The following CLCN6 variants were observed in gnomAD, a reference collection of about 807,000 sequenced individuals.
The protein encoded by CLCN6 is Cl-/H+ antiporter 6.
In CLCN6, 70 loss-of-function variants were observed where a neutral mutation model predicts 109.8. The observed-to-expected ratio is 0.64, with a 90% CI of 0.53 to 0.78. The LOEUF is 0.78. Among genes scored for constraint, CLCN6 ranks in the 30% least tolerant of loss-of-function variants. The pLI, the probability that CLCN6 is intolerant of heterozygous loss-of-function variation, is 0.00. For missense variants in CLCN6, 984 were observed against 1,142.3 expected (o/e 0.86, Z 2.00); for synonymous variants, 444 against 447.8 (o/e 0.99, Z 0.11).
chr1:11,829,405 A>T (rs1168376484), intron 13 of CLCN6, 83 bp downstream of exon 13: 4 of 1,525,446 alleles, frequency 2.6e-6, no homozygotes, highest in Non-Finnish European at 3.6e-6. Context: ...TTGAGAACTA[A>T]TAGATATGTT....
At position 11,833,617 on chromosome 1, in the gene CLCN6, C is replaced by T. The variant is rs753878088; in HGVS notation, c.1351C>T (p.Leu451Phe). 2.5e-6 allele frequency: 4 copies of T among 1,613,844 alleles called. No individual in the cohort carries two copies. The highest frequency in any genetic ancestry group is 2.2e-5 in the East Asian group (1 of 44,892). Residue 451 changes from leucine (L) to phenylalanine (F), a missense_variant, in exon 14 of 23, where the codon CTC becomes TTC. By Grantham distance (22) the Leu-to-Phe change is conservative. Coordinates refer to ENST00000346436, the MANE Select transcript of CLCN6 (RefSeq NM_001286.5). Reference protein sequence around the residue: ...LFFNPQESAILQLFHQDGTFS... With the variant: ...LFFNPQESAIFQLFHQDGTFS... ...CTTCAACCCGCAGGAGTCTGCCATC[C>T]TCCAGCTCTTCCACCAGGATGGTGA...
At chr1:11,813,034 A>G (rs1311836786) in intron 2 of CLCN6, among the ~76,000 whole-genome samples, 1 of 152,174 alleles carries the variant, frequency 6.6e-6, no homozygotes, top group Non-Finnish European at 1.5e-5. Context: ...TCACAAGATG[A>G]TATCTGCTTC....
chr1:11,837,781 CT>C (rs1368787597), intron 20 of CLCN6, among the ~76,000 whole-genome samples: 1 of 152,148 alleles, frequency 6.6e-6, no homozygotes, highest in Non-Finnish European at 1.5e-5. Flanking sequence ...TGGGAGTTGC[CT>C]GCAGACCTTG....
chr1:11,839,608 A>G (rs1486739661), intron 22 of CLCN6, among the ~76,000 whole-genome samples: 2 of 152,226 alleles, frequency 1.3e-5, no homozygotes, highest in African/African-American at 4.8e-5. Flanking sequence ...CATAGTGCGT[A>G]CTTACACAGG....
At chr1:11,807,022 T>G in intron 1 of CLCN6, 109 bp from the exon 2 acceptor site, 1 of 977,774 alleles carries the variant, frequency 1.0e-6, no homozygotes, top group Non-Finnish European at 1.6e-6. Context: ...TCCTATTTGA[T>G]AATGGCTCCA....
chr1:11,818,072 G>A (rs543045369), intron 4 of CLCN6, among the ~76,000 whole-genome samples: 102 of 151,542 alleles, frequency 6.7e-4, no homozygotes, highest in African/African-American at 2.3e-3. Context: ...GACCAGCCTG[G>A]GCAACGTAGG....
chr1:11,824,249 T>C (rs1644783091), intron 7 of CLCN6, among the ~76,000 whole-genome samples: 1 of 152,228 alleles, frequency 6.6e-6, no homozygotes, highest in African/African-American at 2.4e-5. Flanking sequence ...AGGAGGGAGC[T>C]GGTGGTCTGG....
intron 22 of CLCN6, chr1:11,838,888 C>CCG: frequency 1.4e-6 from 1 of 727,222 alleles, no homozygotes; most frequent in South Asian, 1.5e-5. Flanking sequence ...CCAGCCAGAG[C>CCG]CGCGCCTCTA....
chr1:11,824,702 G>A, intron 8 of CLCN6, 149 bp downstream of exon 8: 1 of 528,842 alleles, frequency 1.9e-6, no homozygotes, highest in Non-Finnish European at 3.2e-6. Context: ...TATCTCTCAG[G>A]AAAGGGCATA....
Position 11,838,434 on chromosome 1 carries a change from A to C in CLCN6, c.2395A>C (p.Met799Leu). Residue 799 changes from methionine (M) to leucine (L), a missense_variant, in exon 21 of 23, where the codon ATG becomes CTG. Coordinates refer to ENST00000346436, the MANE Select transcript of CLCN6 (RefSeq NM_001286.5). ...DLDLTLLNPR[M>L]IVDVTPYMNP... ...GGACCTGACGCTGCTCAACCCGCGC[A>C]TGATCGTGGTGAGAAGGGCTGCCCC... The C allele has an allele frequency of 1.2e-6, 2 of 1,614,136 alleles. No individual in the cohort carries two copies.
rs1301643146 is a variant in CLCN6, at chr1:11,828,764, T to C, written c.1121+140T>C. The C allele has an allele frequency of 3.2e-6, 3 of 943,578 alleles. No individual in the cohort carries two copies. The Admixed American group carries it at 8.2e-5, about 26-fold the overall frequency. 58.5% of individuals were successfully genotyped at this position (943,578 alleles called of 1,614,324 possible). A position where few individuals can be genotyped will look rare whatever the true frequency, so the allele number is the denominator to read the frequency against. ...AAGACTGAGAATCTAAACACGGCCA[T>C]GCATCTTCCCTACTTGACAGGCCAA... On this transcript the variant is annotated intron_variant, in intron 12 of 22. Coordinates refer to ENST00000346436, the MANE Select transcript of CLCN6 (RefSeq NM_001286.5).
Position 11,838,537 on chromosome 1 carries a change from T to C in CLCN6, c.2406T>C (p.Asp802=), listed in dbSNP as rs1393245101. The C allele has an allele frequency of 6.2e-7, 1 of 1,607,940 alleles. No homozygotes were observed. Among genetic ancestry groups the C allele is most frequent in the African/African-American group, 1.3e-5 (1 of 74,922 alleles). Residue 802 remains aspartate, a splice_region_variant and synonymous_variant, in exon 22 of 23, where the codon GAT becomes GAC. Transcript: ENST00000346436. ...AGTGACACGTGGTCTCTTTGCAGGA[T>C]GTCACCCCATACATGAACCCTTCGC... ...LTLLNPRMIV[D]VTPYMNPSPF...
rs562323358 is a variant in CLCN6 at position 11,839,944 on chromosome 1, C to CT, written c.2530-194dup. Reference sequence around the variant, plus strand: ...GTTCAGATGCCAGCTGGCCCAAGCCCTTTTTGGAGCTAACCTTGTCCCCTT... The same window carrying CT: ...GTTCAGATGCCAGCTGGCCCAAGCCCTTTTTTGGAGCTAACCTTGTCCCCTT... On this transcript the variant is annotated intron_variant, in intron 22 of 22. Coordinates refer to ENST00000346436, the MANE Select transcript of CLCN6 (RefSeq NM_001286.5). 8.5e-5 allele frequency among the ~76,000 whole-genome samples: 13 copies of CT among 152,340 alleles called. No individual in the cohort carries two copies. In the East Asian group the frequency reaches 2.1e-3, roughly 25 times the overall value.
At chr1:11,815,295 A>G (rs982577858) in intron 2 of CLCN6, among the ~76,000 whole-genome samples, 1 of 152,244 alleles carries the variant, frequency 6.6e-6, no homozygotes, top group Non-Finnish European at 1.5e-5. Flanking sequence ...AACTTCTCCT[A>G]AAGCATGAAG....
chr1:11,836,140 A>T lies in CLCN6; in HGVS notation c.1967A>T (p.Asn656Ile). 1 of 1,613,004 alleles carries T rather than the reference A, an allele frequency of 6.2e-7. No homozygotes were observed. ...FMKGNQLISN[N>I]IKFKKSSILT... ...AAGGGCAACCAGCTCATCAGCAACAACATCAAGTTCAAGGTAAAGAAAACG... is the reference window on the plus strand; with the variant it reads ...AAGGGCAACCAGCTCATCAGCAACATCATCAAGTTCAAGGTAAAGAAAACG... Residue 656 changes from asparagine (N) to isoleucine (I), a missense_variant, in exon 18 of 23, where the codon AAC becomes ATC. Asn to Ile is a moderately radical substitution (Grantham distance 149). Coordinates refer to ENST00000346436, the MANE Select transcript of CLCN6 (RefSeq NM_001286.5).
intron 11 of CLCN6, 76 bp from the exon 12 acceptor site, chr1:11,828,382 T>C: frequency 1.9e-6 from 3 of 1,581,308 alleles, no homozygotes; most frequent in Non-Finnish European, 2.6e-6. Flanking sequence ...CTCTTGCTTC[T>C]GTCTTCTCTT....
chr1:11,825,260 G>A (rs1644797275), intron 8 of CLCN6, among the ~76,000 whole-genome samples: 1 of 152,206 alleles, frequency 6.6e-6, no homozygotes, highest in African/African-American at 2.4e-5. Flanking sequence ...GTGAAGGAGG[G>A]AAGATTCTTT....
At position 11,823,341 on chromosome 1, in the gene CLCN6, G is replaced by A. The variant is rs527580901; in HGVS notation, c.454-366G>A. ...AAAAATACAAAATTAGCCGGGCGTGGTGGCGCATGCCTGTAATCCCAGCTA... is the reference window on the plus strand; with the variant it reads ...AAAAATACAAAATTAGCCGGGCGTGATGGCGCATGCCTGTAATCCCAGCTA... On this transcript the variant is annotated intron_variant, in intron 6 of 22. Coordinates refer to ENST00000346436, the MANE Select transcript of CLCN6 (RefSeq NM_001286.5). Among the ~76,000 whole-genome samples the A allele has an allele frequency of 8.5e-5, 13 of 152,124 alleles. No individual in the cohort carries two copies. The Middle Eastern group carries it at 0.02, about 239-fold the overall frequency.
At chr1:11,831,780 C>G (rs778528349) in intron 13 of CLCN6, among the ~76,000 whole-genome samples, 3 of 151,918 alleles carry the variant, frequency 2.0e-5, no homozygotes, top group South Asian at 2.1e-4. Flanking sequence ...AACTCCTGGG[C>G]TCAAGCGATC....
Sources: gnomAD v4.1 joint callset for allele counts (sites outside exome capture counted in the v4.1 genomes callset) on GRCh38, gnomAD v4.1.1 for gene constraint, MANE v1.5 for transcripts, NCBI Gene and HGNC (gene_info 2026-07-23, HGNC 2026-07-21) for gene names.